ZNF638: variants seen among roughly 807,000 people sequenced by gnomAD.
The protein encoded by ZNF638 is CTCL tumor antigen se33-1.
Under a neutral mutation model 195.6 loss-of-function variants are expected in ZNF638, and 46 were observed. That is an observed-to-expected ratio of 0.24 (90% CI 0.19 to 0.30). The LOEUF is 0.30. Among genes scored for constraint, ZNF638 ranks in the 10% least tolerant of loss-of-function variants. The pLI is 1.00. For missense variants in ZNF638, 2,440 were observed against 2,325.3 expected (o/e 1.05, Z -1.01); for synonymous variants, 845 against 772.0 (o/e 1.09, Z -1.57).
chr2:71,408,185 C>G lies in ZNF638; in HGVS notation c.3199C>G (p.Pro1067Ala). 6.2e-7 allele frequency: 1 copy of G among 1,613,328 alleles called. No homozygotes were observed. The highest frequency in any genetic ancestry group is 8.5e-7 in the Non-Finnish European group (1 of 1,179,560). The change falls in exon 20 of 28, where the codon CCA becomes GCA. Residue 1067 changes from proline (P) to alanine (A), a missense_variant. Pro to Ala is a conservative substitution (Grantham distance 27). Transcript: ENST00000264447. ...QSMYSFLKQNPQNIGDHMLTC... is the reference protein window; with the variant it reads ...QSMYSFLKQNAQNIGDHMLTC... ...AATGTATAGCTTTCTGAAACAAAAT[C>G]CACAAAATATTGGTGACCATATGTT... is the stretch of plus-strand genomic sequence containing the variant.
chr2:71,348,838 C>T lies in ZNF638; in HGVS notation c.-117C>T. ...AAACCCACTTCTGTTGGGCCCATCT[C>T]CTTTGCACTTTGCTCAGATTAAGAC... On this transcript the variant is annotated 5_prime_UTR_variant, in exon 2 of 28. Transcript: ENST00000264447. 2 of 1,607,224 alleles carry T rather than the reference C, an allele frequency of 1.2e-6. No individual in the cohort carries two copies. Among genetic ancestry groups the T allele is most frequent in the East Asian group, 2.2e-5 (1 of 44,856 alleles).
At chr2:71,419,822 C>T (rs1012547656) in intron 21 of ZNF638, among the ~76,000 whole-genome samples, 2 of 152,018 alleles carry the variant, frequency 1.3e-5, no homozygotes, top group Non-Finnish European at 2.9e-5. Context: ...TTCTCCATAG[C>T]AATAGCAGTT....
chr2:71,331,810 C>G lies in ZNF638; in HGVS notation c.-268C>G. ...GGCGGTAGCGTTTTCGGCGTCGAGA[C>G]TGGAGGCTGAGTGCTAAACTGTGTG... is the stretch of plus-strand genomic sequence containing the variant. On this transcript the variant is annotated 5_prime_UTR_variant, in exon 1 of 28. Transcript: ENST00000264447. 2 of 986,138 alleles carry G rather than the reference C, an allele frequency of 2.0e-6. No homozygotes were observed. Among genetic ancestry groups the G allele is most frequent in the Non-Finnish European group, 2.4e-6 (2 of 830,186 alleles). The allele number at this position is 986,138 out of a possible 1,614,324, so 61.1% of individuals were successfully genotyped here. A position where few individuals can be genotyped will look rare whatever the true frequency, so the allele number is the denominator to read the frequency against.
Position 71,399,643 on chromosome 2 carries a change from C to CAGGTAAGCTTGAA in ZNF638, c.2587_2587+12dup. ...GACTCTAACAAACCTGTGACTATAC[C>CAGGTAAGCTTGAA]AGGTAAGCTTGAAATGTGGTCATTC... is the stretch of plus-strand genomic sequence containing the variant. On this transcript the variant is annotated frameshift_variant and splice_region_variant, in exon 13 of 28. Transcript: ENST00000264447. LOFTEE classifies it high-confidence loss of function. The CAGGTAAGCTTGAA allele has an allele frequency of 6.2e-7, 1 of 1,607,634 alleles. No individual in the cohort carries two copies. The highest frequency in any genetic ancestry group is 1.1e-5 in the South Asian group (1 of 90,036).
chr2:71,374,081 C>T (rs2079372262), intron 8 of ZNF638: 1 of 152,288 alleles, frequency 6.6e-6, no homozygotes, highest in South Asian at 2.1e-4. Context: ...CTGCCTCGGC[C>T]TCCCGAAGTG....
At chr2:71,376,586 C>G (rs1280245327) in intron 8 of ZNF638, among the ~76,000 whole-genome samples, 1 of 152,114 alleles carries the variant, frequency 6.6e-6, no homozygotes, top group Admixed American at 6.5e-5. Flanking sequence ...CATGGCATGT[C>G]AAAACCTAGA....
intron 10 of ZNF638, 23 bp from the exon 11 acceptor site, chr2:71,396,118 A>T: frequency 6.2e-7 from 1 of 1,608,230 alleles, no homozygotes; most frequent in Non-Finnish European, 8.5e-7. Context: ...TGTAGTACTT[A>T]AATGTTTTTC....
At chr2:71,410,696 A>G (rs1056357401) in intron 20 of ZNF638, among the ~76,000 whole-genome samples, 1 of 152,150 alleles carries the variant, frequency 6.6e-6, no homozygotes, top group Non-Finnish European at 1.5e-5. Flanking sequence ...TAAAAAGAGA[A>G]TGATTAATGT....
intron 1 of ZNF638, among the ~76,000 whole-genome samples, chr2:71,334,827 A>G (rs943386661): frequency 1.5e-4 from 23 of 151,734 alleles, no homozygotes; most frequent in African/African-American, 5.6e-4. Context: ...AGGCTGAGGC[A>G]GGAGAATGGC....
In ZNF638 at chr2:71,395,711, G is replaced by T. The variant is rs1465628131; in HGVS notation, c.2378-430G>T. The T allele has an allele frequency of 1.6e-5, 7 of 443,128 alleles. No individual in the cohort carries two copies. The Admixed American group carries it at 2.1e-4, about 13-fold the overall frequency. The allele number at this position is 443,128 out of a possible 1,614,324, so 27.4% of individuals were successfully genotyped here. On this transcript the variant is annotated intron_variant, in intron 10 of 27. Transcript: ENST00000264447. ...TTATCAGGGCTGCATTCTCTCTTTGGTGTCTCTAAGGCCGAACAGTCCCCT... is the reference window on the plus strand; with the variant it reads ...TTATCAGGGCTGCATTCTCTCTTTGTTGTCTCTAAGGCCGAACAGTCCCCT...
intron 17 of ZNF638, 130 bp downstream of exon 17, chr2:71,404,128 G>C (rs1203890564): frequency 1.1e-6 from 1 of 894,892 alleles, no homozygotes; most frequent in Non-Finnish European, 1.7e-6. Flanking sequence ...GCTTCTTCCT[G>C]TCCCTCCAAC....
At chr2:71,342,687 T>C (rs1438180116) in intron 1 of ZNF638, among the ~76,000 whole-genome samples, 2 of 151,982 alleles carry the variant, frequency 1.3e-5, no homozygotes, top group Non-Finnish European at 2.9e-5. Flanking sequence ...TGCGTGCGTG[T>C]GTGTGTGTGT....
chr2:71,418,268 C>T lies in ZNF638; in HGVS notation c.3262-334C>T, dbSNP rs181650521. The stretch of plus-strand genomic sequence containing the variant: ...TCTTAGAAGTCTTTTAAAATAATTC[C>T]TCAAGGAAGATGTTGATATTTCACA... On this transcript the variant is annotated intron_variant, in intron 20 of 27. Transcript: ENST00000264447. 2.7e-5 allele frequency: 5 copies of T among 185,488 alleles called. No individual in the cohort carries two copies. In the East Asian group the frequency reaches 5.1e-4, roughly 19 times the overall value. 11.5% of individuals were successfully genotyped at this position (185,488 alleles called of 1,614,324 possible). A position where few individuals can be genotyped will look rare whatever the true frequency, so the allele number is the denominator to read the frequency against.
chr2:71,348,906 T>A lies in ZNF638; in HGVS notation c.-49T>A. ...AGCTGAATGCCGTTGCCTCACATGG[T>A]TCAACACCACCTTATACTTTATTAA... On this transcript the variant is annotated 5_prime_UTR_variant, in exon 2 of 28. Coordinates refer to ENST00000264447, the MANE Select transcript of ZNF638 (RefSeq NM_014497.5). 6.2e-7 allele frequency: 1 copy of A among 1,614,134 alleles called. No individual in the cohort carries two copies. Among genetic ancestry groups the A allele is most frequent in the East Asian group, 2.2e-5 (1 of 44,882 alleles).
chr2:71,389,661 T>C (rs2079728851), intron 10 of ZNF638, among the ~76,000 whole-genome samples: 2 of 152,228 alleles, frequency 1.3e-5, no homozygotes, highest in South Asian at 4.1e-4. Context: ...CTTTGTGTGC[T>C]ATGAGGGCTT....
chr2:71,365,334 G>C (rs927233892), intron 5 of ZNF638, 95 bp from the exon 6 acceptor site: 2 of 1,034,438 alleles, frequency 1.9e-6, no homozygotes, highest in Non-Finnish European at 2.7e-6. Flanking sequence ...TGTGCTCCCT[G>C]TTTAGCTTGA....
rs781439442 is a variant in ZNF638 at position 71,349,884 on chromosome 2, C to T, written c.930C>T (p.Ser310=). ...AGTCAGTCCTTGAACCCATAAAATC[C>T]GTCAACCAATCCATTAACCAAACAG... ...GGQSVLEPIK[S]VNQSINQTVS... The change falls in exon 2 of 28, where the codon TCC becomes TCT. Residue 310 remains serine, a synonymous_variant. Coordinates refer to ENST00000264447, the MANE Select transcript of ZNF638 (RefSeq NM_014497.5). The T allele has an allele frequency of 1.5e-5, 25 of 1,614,022 alleles. No individual in the cohort carries two copies. The highest frequency in any genetic ancestry group is 1.6e-4 in the Middle Eastern group (1 of 6,084).
chr2:71,405,078 G>C (rs1025450260), intron 17 of ZNF638, among the ~76,000 whole-genome samples: 2 of 152,028 alleles, frequency 1.3e-5, no homozygotes, highest in Admixed American at 1.3e-4. Flanking sequence ...AGGATCCTCA[G>C]TCTTATAAAG....
intron 1 of ZNF638, among the ~76,000 whole-genome samples, chr2:71,346,530 A>G (rs928527350): frequency 3.3e-5 from 5 of 152,144 alleles, no homozygotes; most frequent in Non-Finnish European, 7.3e-5. Context: ...GCATGTTACT[A>G]ATGAGTACTT....
Sources: allele counts gnomAD v4.1 joint callset (sites outside exome capture counted in the v4.1 genomes callset), GRCh38; gene constraint gnomAD v4.1.1; transcripts MANE v1.5; gene names NCBI Gene and HGNC (gene_info 2026-07-23, HGNC 2026-07-21).